The following FRMD4B variants were observed in gnomAD, a reference collection of about 807,000 sequenced individuals.
FRMD4B encodes FERM domain containing 4B, also known as FERM domain-containing protein 4B.
Under a neutral mutation model 141.5 loss-of-function variants are expected in FRMD4B, and 74 were observed. That is an observed-to-expected ratio of 0.52 (90% CI 0.43 to 0.63). The LOEUF (loss-of-function observed/expected upper bound fraction) is 0.63. Ranked by LOEUF, FRMD4B falls within the 30% of genes least tolerant of loss-of-function variation. The pLI, the probability that FRMD4B is intolerant of heterozygous loss-of-function variation, is 0.00. For synonymous variants in FRMD4B, 506 were observed against 467.9 expected, an observed-to-expected ratio of 1.08 and a Z score of -1.05; for missense variants, 1,366 against 1,253.4, an observed-to-expected ratio of 1.09 and a Z score of -1.36.
At chr3:69,517,520 A>G (rs1335069288) in intron 1 of FRMD4B, among the ~76,000 whole-genome samples, 1 of 152,204 alleles carries the variant, frequency 6.6e-6, no homozygotes, top group Non-Finnish European at 1.5e-5. Context: ...TTGCCTGACC[A>G]TTAAGTCTCA....
At chr3:69,378,098 G>T (rs938674780) in intron 1 of FRMD4B, among the ~76,000 whole-genome samples, 1 of 152,008 alleles carries the variant, frequency 6.6e-6, no homozygotes, top group Non-Finnish European at 1.5e-5. Context: ...GGGATTACAG[G>T]CTTCAGTCAC....
chr3:69,455,013 A>G (rs1443559567), intron 1 of FRMD4B, among the ~76,000 whole-genome samples: 1 of 152,202 alleles, frequency 6.6e-6, no homozygotes, highest in Non-Finnish European at 1.5e-5. Flanking sequence ...AATCTAGCTA[A>G]TCTGGTGGGG....
intron 1 of FRMD4B, among the ~76,000 whole-genome samples, chr3:69,372,275 A>G (rs1195495744): frequency 6.6e-6 from 1 of 152,224 alleles, no homozygotes; most frequent in African/African-American, 2.4e-5. Context: ...GAGCTCCACA[A>G]GGGCAGGGCC....
intron 1 of FRMD4B, among the ~76,000 whole-genome samples, chr3:69,349,912 G>C (rs946791136): frequency 3.9e-5 from 6 of 152,110 alleles, no homozygotes; most frequent in Non-Finnish European, 7.4e-5. Flanking sequence ...ACATAGGCAT[G>C]GGCAAGGACT....
chr3:69,469,694 G>A (rs1705855882), intron 1 of FRMD4B, among the ~76,000 whole-genome samples: 1 of 152,134 alleles, frequency 6.6e-6, no homozygotes, highest in African/African-American at 2.4e-5. Flanking sequence ...TTCAATTTAT[G>A]GAAAATTAAA....
chr3:69,359,508 C>T (rs936102179), intron 1 of FRMD4B, among the ~76,000 whole-genome samples: 2 of 152,204 alleles, frequency 1.3e-5, no homozygotes, highest in Admixed American at 6.5e-5. Flanking sequence ...AGGTCTCCTT[C>T]AGGATCACAT....
chr3:69,382,245 G>A (rs1484534914), intron 1 of FRMD4B, among the ~76,000 whole-genome samples: 1 of 152,198 alleles, frequency 6.6e-6, no homozygotes. Context: ...TTGCCATGTT[G>A]GCCAGGCTGG....
intron 11 of FRMD4B, chr3:69,200,516 A>C: frequency 9.7e-7 from 1 of 1,034,732 alleles, no homozygotes; most frequent in South Asian, 3.4e-5. Flanking sequence ...TTCTGAACTG[A>C]GTTTCATAAG....
At position 69,250,700 on chromosome 3, in the gene FRMD4B, C is replaced by T. The variant is rs187111719; in HGVS notation, c.502-601G>A. ...AATTCTGTTGATTTATATTGAAGTT[C>T]GAGGAACTCTAATTTATCAGTTTTC... On this transcript the variant is annotated intron_variant, in intron 5 of 22. Transcript: ENST00000398540. Among the ~76,000 whole-genome samples the T allele has an allele frequency of 6.6e-4, 99 of 149,130 alleles. 1 individual carries two copies. In the South Asian group the frequency reaches 0.019, roughly 29 times the overall value.
At chr3:69,506,795 T>A (rs56261875) in intron 1 of FRMD4B, among the ~76,000 whole-genome samples, 1 of 150,112 alleles carries the variant, frequency 6.7e-6, no homozygotes, top group African/African-American at 2.5e-5. Context: ...TCTCCTGCCT[T>A]GGCCTCCTAA....
At chr3:69,182,088 T>C (rs547357670) in intron 20 of FRMD4B, among the ~76,000 whole-genome samples, 3 of 152,266 alleles carry the variant, frequency 2.0e-5, no homozygotes, top group South Asian at 2.1e-4. Context: ...TATGAAGATA[T>C]GGTACATTCG....
At chr3:69,509,136 C>T (rs1231141779) in intron 1 of FRMD4B, among the ~76,000 whole-genome samples, 2 of 152,154 alleles carry the variant, frequency 1.3e-5, no homozygotes, top group East Asian at 3.9e-4. Context: ...ATTTGAGCAG[C>T]CCTGCTCCAG....
chr3:69,383,988 A>T (rs1490452513), intron 1 of FRMD4B, among the ~76,000 whole-genome samples: 1 of 149,728 alleles, frequency 6.7e-6, no homozygotes, highest in Non-Finnish European at 1.5e-5. Flanking sequence ...TTTTTAAGAG[A>T]TGGGTCTCAC....
At chr3:69,353,026 C>G (rs2107440941) in intron 1 of FRMD4B, among the ~76,000 whole-genome samples, 1 of 151,984 alleles carries the variant, frequency 6.6e-6, no homozygotes. Flanking sequence ...GTGTTGCTTA[C>G]TGACACAGTT....
intron 7 of FRMD4B, chr3:69,228,582 C>A (rs539442040): frequency 1.4e-5 from 6 of 421,632 alleles, no homozygotes; most frequent in African/African-American, 1.2e-4. Context: ...TGCCTATAAT[C>A]CCAACACTTT....
At chr3:69,420,343 C>A (rs1028505047) in intron 2 of FRMD4B, among the ~76,000 whole-genome samples, 6 of 146,888 alleles carry the variant, frequency 4.1e-5, no homozygotes, top group Non-Finnish European at 7.5e-5. Flanking sequence ...ACCTATGGAA[C>A]AATCATATGT....
chr3:69,277,570 T>A (rs1186533446), intron 5 of FRMD4B, among the ~76,000 whole-genome samples: 1 of 126,156 alleles, frequency 7.9e-6, no homozygotes, highest in African/African-American at 3.1e-5. Flanking sequence ...GTCGCCAGGC[T>A]GGAGTGCAGT....
At chr3:69,230,606 G>T (rs1180897166) in intron 7 of FRMD4B, among the ~76,000 whole-genome samples, 1 of 151,956 alleles carries the variant, frequency 6.6e-6, no homozygotes, top group African/African-American at 2.4e-5. Flanking sequence ...AAATTAGCCA[G>T]GCATAGTGGT....
intron 11 of FRMD4B, among the ~76,000 whole-genome samples, chr3:69,199,900 A>G (rs2092949295): frequency 6.6e-6 from 1 of 152,306 alleles, no homozygotes; most frequent in East Asian, 1.9e-4. Flanking sequence ...ACATTGTACT[A>G]TCCTGAGCCT....
Sources: allele counts gnomAD v4.1 joint callset (sites outside exome capture counted in the v4.1 genomes callset), GRCh38; gene constraint gnomAD v4.1.1; transcripts MANE v1.5; gene names NCBI Gene and HGNC (gene_info 2026-07-23, HGNC 2026-07-21).